Variants in AVEN observed in about 807,000 individuals in gnomAD.
AVEN encodes the protein cell death regulator Aven.
Under a neutral mutation model 38.1 loss-of-function variants are expected in AVEN, and 41 were observed. That is an observed-to-expected ratio of 1.08 (90% CI 0.84 to 1.40). The LOEUF (loss-of-function observed/expected upper bound fraction) is 1.40, where lower values mean the gene tolerates loss of function less well. Among genes scored for constraint, AVEN ranks in the 40% most tolerant of loss-of-function variants. The probability of loss-of-function intolerance (pLI) is 0.00; values close to 1 mark genes in which losing one functional copy is unlikely to be tolerated. For synonymous variants in AVEN, 206 were observed against 171.8 expected (o/e 1.20, Z -1.56); for missense variants, 605 against 438.8 (o/e 1.38, Z -3.38).
intron 4 of AVEN, among the ~76,000 whole-genome samples, chr15:33,868,423 T>C (rs915450047): frequency 3.3e-5 from 5 of 151,586 alleles, no homozygotes; most frequent in Non-Finnish European, 5.9e-5. Flanking sequence ...GGAGAGTGTC[T>C]AGTCCCAGCT....
chr15:34,069,342 C>T (rs1900585980), intron 2 of AVEN, among the ~76,000 whole-genome samples: 1 of 149,804 alleles, frequency 6.7e-6, no homozygotes, highest in African/African-American at 2.5e-5. Context: ...ATTGCTTGAA[C>T]CTGGGAGGCT....
intron 2 of AVEN, among the ~76,000 whole-genome samples, chr15:33,980,620 T>TACAC (rs1896094971): frequency 3.2e-5 from 1 of 30,810 alleles, no homozygotes; most frequent in Non-Finnish European, 3.4e-4. Context: ...TAGGTAGTCA[T>TACAC]GCACATAAGA....
chr15:33,861,988 C>CACTT (rs909912636), downstream of AVEN, among the ~76,000 whole-genome samples: 2 of 152,122 alleles, frequency 1.3e-5, no homozygotes, highest in African/African-American at 4.8e-5. Context: ...ATAAGTGTTT[C>CACTT]ACTTATTCTA....
At chr15:33,853,727 T>TA in the AVEN span, 1 of 1,590,910 alleles carries the variant, frequency 6.3e-7, no homozygotes, top group Non-Finnish European at 8.6e-7. Context: ...CTAAAATAGA[T>TA]AGATCTTTGC....
chr15:33,889,129 C>T (rs962872623), intron 2 of AVEN, among the ~76,000 whole-genome samples: 7 of 152,112 alleles, frequency 4.6e-5, no homozygotes, highest in African/African-American at 1.7e-4. Flanking sequence ...AGAAAATTAT[C>T]ATTTAATATT....
At chr15:33,998,401 T>C (rs1004873351) in intron 2 of AVEN, among the ~76,000 whole-genome samples, 1 of 152,140 alleles carries the variant, frequency 6.6e-6, no homozygotes, top group African/African-American at 2.4e-5. Flanking sequence ...CAAGGCAGGA[T>C]TGTTTGAGCC....
intron 2 of AVEN, among the ~76,000 whole-genome samples, chr15:33,989,450 TA>T (rs568555472): frequency 0.043 from 6,080 of 142,256 alleles, 307 homozygotes; most frequent in African/African-American, 0.13. Flanking sequence ...GTTTGGAGTT[TA>T]AAAAAAAAAA....
chr15:34,067,814 G>A (rs908554266), intron 2 of AVEN, among the ~76,000 whole-genome samples: 7 of 152,170 alleles, frequency 4.6e-5, no homozygotes, highest in East Asian at 1.9e-4. Context: ...TTAAAGAGTC[G>A]GTGCCCCACT....
chr15:33,944,763 C>T (rs1894447181), intron 2 of AVEN, among the ~76,000 whole-genome samples: 1 of 151,596 alleles, frequency 6.6e-6, no homozygotes. Flanking sequence ...GAGCCGAGAT[C>T]GCGCTCCTGC....
At chr15:33,887,889 C>A (rs1218668629) in intron 2 of AVEN, among the ~76,000 whole-genome samples, 1 of 151,890 alleles carries the variant, frequency 6.6e-6, no homozygotes, top group East Asian at 1.9e-4. Flanking sequence ...TTGGTGAAAA[C>A]CACCATACAA....
Position 34,038,799 on chromosome 15 carries a change from C to G in AVEN, c.248G>C (p.Gly83Ala). The change falls in exon 1 of 6, where the codon GGC (glycine) becomes GCC (alanine). Residue 83 changes from glycine to alanine, a missense_variant. Physicochemically the swap from Gly to Ala is moderately conservative, Grantham distance 60. Transcript: ENST00000306730. Reference protein sequence around the residue: ...RGSRREPGGWGAGASAPVEDD... With the variant: ...RGSRREPGGWAAGASAPVEDD... ...TCTTACCGGCGCGCTGGCCCCTGCG[C>G]CCCAGCCTCCCGGCTCCCGGCGGCT... The G allele has an allele frequency of 8.4e-7, 1 of 1,192,836 alleles. No individual in the cohort carries two copies. The highest frequency in any genetic ancestry group is 1.0e-6 in the Non-Finnish European group (1 of 962,336). 73.9% of individuals were successfully genotyped at this position (1,192,836 alleles called of 1,614,324 possible). A position where few individuals can be genotyped will look rare whatever the true frequency, so the allele number is the denominator to read the frequency against.
rs1214230364 is a variant in AVEN at position 34,063,263 on chromosome 15, G to A, written n.1296C>T. Reference sequence around the variant, plus strand: ...GGAAGCGGACAGTTCCACTGGATGAGTGCCAGATCCAGTTTCTCTCTGAGC... The same window carrying A: ...GGAAGCGGACAGTTCCACTGGATGAATGCCAGATCCAGTTTCTCTCTGAGC... On this transcript the variant is annotated non_coding_transcript_exon_variant, in exon 5 of 12. Transcript: ENST00000675287. This position sits in a 1 kb window ranked among gnomAD's most constrained non-coding sequence, Gnocchi z 4.1. 6.2e-7 allele frequency: 1 copy of A among 1,614,176 alleles called. No individual in the cohort carries two copies. The highest frequency in any genetic ancestry group is 8.5e-7 in the Non-Finnish European group (1 of 1,180,046).
At chr15:34,041,696 A>T (rs1899481662), upstream of AVEN, among the ~76,000 whole-genome samples, 1 of 152,206 alleles carries the variant, frequency 6.6e-6, no homozygotes, top group South Asian at 2.1e-4. Context: ...TGCACCTGAT[A>T]CTATTCTAAG....
At chr15:34,004,519 A>AT (rs1897259042) in intron 1 of AVEN, among the ~76,000 whole-genome samples, 1 of 152,216 alleles carries the variant, frequency 6.6e-6, no homozygotes, top group African/African-American at 2.4e-5. Context: ...GAAAAAGTAA[A>AT]TAATGACTGG....
chr15:33,900,701 C>T (rs1433622105), intron 2 of AVEN, among the ~76,000 whole-genome samples: 1 of 151,822 alleles, frequency 6.6e-6, no homozygotes, highest in Non-Finnish European at 1.5e-5. Flanking sequence ...TTCAACCATA[C>T]AATAATTACC....
At chr15:33,856,988 A>G (rs113778062), downstream of AVEN, among the ~76,000 whole-genome samples, 2,212 of 152,216 alleles carry the variant, frequency 0.015, 54 homozygotes, top group African/African-American at 0.051. Context: ...GCATTAGAGT[A>G]GAAGCTACAT....
In AVEN at chr15:33,899,460, C is replaced by CTTTTTTTTTTTTTTTTTTTT. The variant is rs533788693; in HGVS notation, c.446-23485_446-23466dup. Among the ~76,000 whole-genome samples the CTTTTTTTTTTTTTTTTTTTT allele has an allele frequency of 2.9e-3, 190 of 65,428 alleles. 19 individuals are homozygous for CTTTTTTTTTTTTTTTTTTTT. The highest frequency in any genetic ancestry group is 4.1e-3 in the Non-Finnish European group (142 of 35,020). The allele number at this position is 65,428 out of a possible 152,430, so 42.9% of individuals were successfully genotyped here. On this transcript the variant is annotated intron_variant, in intron 2 of 5. Transcript: ENST00000306730. ...TACATTTATTTGCTTCAGGGAAAAC[C>CTTTTTTTTTTTTTTTTTTTT]TTTTTTTTTTTTTTTTTTTTTTTTT... is the stretch of plus-strand genomic sequence containing the variant.
intron 1 of AVEN, among the ~76,000 whole-genome samples, chr15:34,005,827 C>A (rs927421657): frequency 2.0e-5 from 3 of 152,160 alleles, no homozygotes; most frequent in African/African-American, 7.2e-5. Flanking sequence ...TCACGTTCAG[C>A]CCACAAATAT....
intron 1 of AVEN, among the ~76,000 whole-genome samples, chr15:34,009,068 G>A (rs760665030): frequency 6.6e-5 from 10 of 151,840 alleles, no homozygotes; most frequent in South Asian, 2.1e-4. Context: ...CTTCTCATCA[G>A]AATCAACGGA....
Sources: allele counts gnomAD v4.1 joint callset (sites outside exome capture counted in the v4.1 genomes callset), GRCh38; gene constraint gnomAD v4.1.1; non-coding constraint Gnocchi (gnomAD v3.1); transcripts MANE v1.5; gene names NCBI Gene and HGNC (gene_info 2026-07-23, HGNC 2026-07-21).